The following JADE1 variants were observed in gnomAD, a reference collection of about 807,000 sequenced individuals.
JADE1 encodes the protein jade family PHD finger 1.
JADE1 carries 14 observed loss-of-function variants against 81.8 expected under a neutral mutation model. The ratio of observed to expected loss-of-function variants is 0.17; its 90% CI spans 0.11 to 0.27. The LOEUF is 0.27. JADE1 is among the 10% of genes least tolerant of loss of function. The probability of loss-of-function intolerance (pLI) is 1.00; values close to 1 mark genes in which losing one functional copy is unlikely to be tolerated. For synonymous variants in JADE1, 353 were observed against 391.9 expected (o/e 0.90, Z 1.17); for missense variants, 690 against 1,047.9 (o/e 0.66, Z 4.71).
chr4:128,835,983 T>TGCA (rs746512766), intron 2 of JADE1, among the ~76,000 whole-genome samples: 50 of 152,344 alleles, frequency 3.3e-4, no homozygotes, highest in Non-Finnish European at 5.7e-4. Context: ...GATGGAATAA[T>TGCA]GTTGGGGTGT....
At chr4:128,867,294 G>C (rs1731853268) in intron 9 of JADE1, among the ~76,000 whole-genome samples, 2 of 152,202 alleles carry the variant, frequency 1.3e-5, no homozygotes, top group Admixed American at 6.5e-5. Context: ...AGTTGACAAA[G>C]ACATTTACTA....
chr4:128,849,215 G>C (rs1401825745), intron 5 of JADE1, 48 bp downstream of exon 5: 1 of 1,498,530 alleles, frequency 6.7e-7, no homozygotes, highest in Non-Finnish European at 9.0e-7. Flanking sequence ...GATGAATAGA[G>C]ACATTTTAGG....
chr4:128,826,695 C>G (rs1728108172), intron 1 of JADE1, among the ~76,000 whole-genome samples: 1 of 152,246 alleles, frequency 6.6e-6, no homozygotes, highest in East Asian at 1.9e-4. Flanking sequence ...GCCACTGCAC[C>G]TGGCCCTATG....
At chr4:128,869,459 G>T (rs984676563) in intron 10 of JADE1, among the ~76,000 whole-genome samples, 1 of 152,162 alleles carries the variant, frequency 6.6e-6, no homozygotes, top group African/African-American at 2.4e-5. Flanking sequence ...ACTAATACAA[G>T]TTGTGCCTGT....
At chr4:128,830,748 AGC>A (rs1481048166) in intron 1 of JADE1, among the ~76,000 whole-genome samples, 3 of 152,186 alleles carry the variant, frequency 2.0e-5, no homozygotes, top group African/African-American at 7.2e-5. Flanking sequence ...AATTTGGAAA[AGC>A]TTTTTGTATT....
In JADE1 at chr4:128,871,716, C is replaced by T; in HGVS notation, c.1983C>T (p.Asp661=). 6.2e-7 allele frequency: 1 copy of T among 1,614,132 alleles called. No individual in the cohort carries two copies. ...TGCCAGACCATGGGAAAAGAAGAGA[C>T]AATCGTTTTCATTGTGATCTCATTA... is the stretch of plus-strand genomic sequence containing the variant. The part of the protein sequence containing the change: ...VVMPDHGKRR[D]NRFHCDLIKG... The change falls in exon 11 of 11, where the codon GAC becomes GAT. Residue 661 remains aspartate, a synonymous_variant. Transcript: ENST00000226319. The surrounding 1 kb of genome is among the most constrained non-coding windows in gnomAD (Gnocchi z 4.1).
chr4:128,866,330 A>G (rs572457401), intron 9 of JADE1, among the ~76,000 whole-genome samples: 2 of 152,380 alleles, frequency 1.3e-5, no homozygotes, highest in African/African-American at 4.8e-5. Context: ...AGAGAAAAAA[A>G]GATGGGAAGA....
chr4:128,829,148 G>C (rs1209246193), intron 1 of JADE1, among the ~76,000 whole-genome samples: 1 of 152,214 alleles, frequency 6.6e-6, no homozygotes, highest in East Asian at 1.9e-4. Flanking sequence ...AGAGAAAACA[G>C]TTGAATAGGG....
At chr4:128,851,661 G>C (rs1232068415) in intron 5 of JADE1, among the ~76,000 whole-genome samples, 1 of 152,060 alleles carries the variant, frequency 6.6e-6, no homozygotes. Context: ...TGGATGCATC[G>C]ATGGGTTGAT....
chr4:128,843,157 C>G, intron 3 of JADE1, 119 bp downstream of exon 3: 1 of 758,844 alleles, frequency 1.3e-6, no homozygotes, highest in Non-Finnish European at 2.1e-6. Flanking sequence ...CTCCAGTTTC[C>G]AAATCTGTAA....
In JADE1 at chr4:128,871,825, A is replaced by C; in HGVS notation, c.2092A>C (p.Thr698Pro). 1 of 1,614,160 alleles carries C rather than the reference A, an allele frequency of 6.2e-7. No homozygotes were observed. The highest frequency in any genetic ancestry group is 8.5e-7 in the Non-Finnish European group (1 of 1,180,002). Residue 698 changes from threonine (T) to proline (P), a missense_variant, in exon 11 of 11, where the codon ACA becomes CCA. Transcript: ENST00000226319. This position sits in a 1 kb window ranked among gnomAD's most constrained non-coding sequence, Gnocchi z 4.1. ...TGTGTCCCAGAGGCATCTGGACAAC[A>C]CAAGAGCTGCCACCTCCCCTGGAGT... ...TDVSQRHLDN[T>P]RAATSPGVGQ...
chr4:128,864,352 G>A (rs1421396759), intron 9 of JADE1: 1 of 693,984 alleles, frequency 1.4e-6, no homozygotes, highest in African/African-American at 2.0e-5. Context: ...CACCATGTTG[G>A]TCAGGTTGGT....
At chr4:128,856,928 G>A (rs923015895) in intron 7 of JADE1, among the ~76,000 whole-genome samples, 5 of 152,136 alleles carry the variant, frequency 3.3e-5, no homozygotes, top group Non-Finnish European at 7.3e-5. Context: ...TTTTTTTGGC[G>A]AGAGATTAAA....
In JADE1 at chr4:128,872,566, C is replaced by A; in HGVS notation, c.*304C>A. On this transcript the variant is annotated 3_prime_UTR_variant, in exon 11 of 11. Transcript: ENST00000226319. Reference sequence around the variant, plus strand: ...TTAAAGAAGGCAAGGCTTAAATAAGCCTCATGAATTTTTATAGCCCTCTGC... The same window carrying A: ...TTAAAGAAGGCAAGGCTTAAATAAGACTCATGAATTTTTATAGCCCTCTGC... 3.3e-6 allele frequency: 1 copy of A among 307,550 alleles called. No individual in the cohort carries two copies. The allele number at this position is 307,550 out of a possible 1,614,324, so 19.1% of individuals were successfully genotyped here.
intron 1 of JADE1, among the ~76,000 whole-genome samples, chr4:128,830,558 C>T (rs1028978567): frequency 6.6e-6 from 1 of 152,130 alleles, no homozygotes; most frequent in East Asian, 1.9e-4. Context: ...AACACCACAT[C>T]ATACATATTG....
chr4:128,819,611 C>G lies in JADE1; in HGVS notation c.-27+9734C>G, dbSNP rs528754350. On this transcript the variant is annotated intron_variant, in intron 1 of 10. Coordinates refer to ENST00000226319, the MANE Select transcript of JADE1 (RefSeq NM_199320.4). ...GCCTACCACTCCGGGAGAACTCATA[C>G]TCCTGTGGTAGTGTTTAAGGAACTG... 3.5e-3 allele frequency among the ~76,000 whole-genome samples: 532 copies of G among 152,318 alleles called. 2 individuals carry two copies. Among genetic ancestry groups the G allele is most frequent in the South Asian group, 0.022 (104 of 4,822 alleles).
At position 128,873,721 on chromosome 4, in the gene JADE1, C is replaced by T. The variant is rs975558034; in HGVS notation, c.*1459C>T. The T allele has an allele frequency of 2.6e-5, 4 of 152,298 alleles. No individual in the cohort carries two copies. The highest frequency in any genetic ancestry group is 5.9e-5 in the Non-Finnish European group (4 of 68,042). The allele number at this position is 152,298 out of a possible 1,614,324, so 9.4% of individuals were successfully genotyped here. On this transcript the variant is annotated 3_prime_UTR_variant, in exon 11 of 11. Coordinates refer to ENST00000226319, the MANE Select transcript of JADE1 (RefSeq NM_199320.4). ...CAAGCCCGACTTCCCCTAAATTCTC[C>T]TTAGTTTGTTAATACCAGTATTCAG... is the stretch of plus-strand genomic sequence containing the variant.
chr4:128,842,142 C>T (rs1469487056), intron 2 of JADE1, among the ~76,000 whole-genome samples: 1 of 152,194 alleles, frequency 6.6e-6, no homozygotes, highest in African/African-American at 2.4e-5. Flanking sequence ...GTCCTCTCTT[C>T]TTATGGCACT....
chr4:128,862,469 A>C, intron 9 of JADE1: 1 of 1,379,450 alleles, frequency 7.2e-7, no homozygotes. Flanking sequence ...CTTTCCCATT[A>C]ATCTTTACTG....
Sources: allele counts gnomAD v4.1 joint callset (sites outside exome capture counted in the v4.1 genomes callset), GRCh38; gene constraint gnomAD v4.1.1; non-coding constraint Gnocchi (gnomAD v3.1); transcripts MANE v1.5; gene names NCBI Gene and HGNC (gene_info 2026-07-23, HGNC 2026-07-21).